LRRC34: variants seen among roughly 807,000 people sequenced by gnomAD.
LRRC34 encodes leucine rich repeat containing 34.
A neutral mutation model predicts 48.5 loss-of-function variants in LRRC34; 44 were observed. The observed-to-expected ratio is 0.91, with a 90% CI of 0.71 to 1.17. The LOEUF is 1.17. Among genes scored for constraint, LRRC34 ranks in the 50% most tolerant of loss-of-function variants. The pLI, the probability that LRRC34 is intolerant of heterozygous loss-of-function variation, is 0.00. For missense variants in LRRC34, 502 were observed against 563.0 expected, an observed-to-expected ratio of 0.89 and a Z score of 1.10; for synonymous variants, 192 against 197.6, an observed-to-expected ratio of 0.97 and a Z score of 0.24.
At chr3:169,811,981 G>C (rs964440773) in intron 1 of LRRC34, among the ~76,000 whole-genome samples, 2 of 152,112 alleles carry the variant, frequency 1.3e-5, no homozygotes, top group Non-Finnish European at 2.9e-5. Context: ...TATTTAAAAC[G>C]GAGATAGTAC....
intron 1 of LRRC34, among the ~76,000 whole-genome samples, chr3:169,810,941 G>A (rs1335731022): frequency 6.6e-6 from 1 of 152,234 alleles, no homozygotes; most frequent in African/African-American, 2.4e-5. Context: ...GCGCATGCCT[G>A]TAGTCCCAGC....
chr3:169,794,318 C>A (rs1414062300), intron 10 of LRRC34: 1 of 153,648 alleles, frequency 6.5e-6, no homozygotes, highest in Admixed American at 6.5e-5. Flanking sequence ...GAGTTCATGA[C>A]CCCCCTGAAT....
rs1779652929 is a variant in LRRC34 at position 169,812,835 on chromosome 3, C to T, written c.-287G>A. 4.8e-6 allele frequency: 2 copies of T among 416,836 alleles called. No homozygotes were observed. The highest frequency in any genetic ancestry group is 8.5e-6 in the Non-Finnish European group (2 of 234,944). The allele number at this position is 416,836 out of a possible 1,614,324, so 25.8% of individuals were successfully genotyped here. Reference sequence around the variant, plus strand: ...ACAAAGAAGATTATGACAAAGCCCGCTCCTACAAAGTGTGCACCGGCCTGC... The same window carrying T: ...ACAAAGAAGATTATGACAAAGCCCGTTCCTACAAAGTGTGCACCGGCCTGC... On this transcript the variant is annotated 5_prime_UTR_variant, in exon 1 of 11. Coordinates refer to ENST00000446859, the MANE Select transcript of LRRC34 (RefSeq NM_001172779.2). The surrounding 1 kb of genome is among the most constrained non-coding windows in gnomAD (Gnocchi z 4.3).
At chr3:169,801,562 C>G (rs1308086434) in intron 6 of LRRC34, among the ~76,000 whole-genome samples, 2 of 152,114 alleles carry the variant, frequency 1.3e-5, no homozygotes, top group African/African-American at 2.4e-5. Flanking sequence ...TTGCTTTTTC[C>G]ATGATTTTCA....
At chr3:169,795,811 G>A in intron 9 of LRRC34, 200 bp from the exon 10 acceptor site, 1 of 1,248,766 alleles carries the variant, frequency 8.0e-7, no homozygotes, top group Non-Finnish European at 1.0e-6. Context: ...ACTACATTTT[G>A]AAAGTCTTCT....
intron 6 of LRRC34, 35 bp downstream of exon 6, chr3:169,804,018 T>C (rs1405852442): frequency 6.6e-7 from 1 of 1,526,054 alleles, no homozygotes. Flanking sequence ...AATGACCCAC[T>C]ATCTGGATGA....
chr3:169,812,083 C>T lies in LRRC34; in HGVS notation c.139+327G>A, dbSNP rs992936238. On this transcript the variant is annotated intron_variant, in intron 1 of 10. Transcript: ENST00000446859. The surrounding 1 kb of genome is among the most constrained non-coding windows in gnomAD (Gnocchi z 4.3). Reference sequence around the variant, plus strand: ...TCACAAAAAGGGGGCTGAGAAGAGCCCCCCCGCCACCCCCTCCCGGAGACC... The same window carrying T: ...TCACAAAAAGGGGGCTGAGAAGAGCTCCCCCGCCACCCCCTCCCGGAGACC... 2.0e-5 allele frequency among the ~76,000 whole-genome samples: 3 copies of T among 152,032 alleles called. No homozygotes were observed. The highest frequency in any genetic ancestry group is 1.3e-4 in the Admixed American group (2 of 15,260).
rs562640444 is a variant in LRRC34, at chr3:169,807,783, T to A, written c.258-74A>T. The A allele has an allele frequency of 1.9e-5, 27 of 1,422,204 alleles. No homozygotes were observed. The African/African-American group carries it at 3.6e-4, about 19-fold the overall frequency. The allele number at this position is 1,422,204 out of a possible 1,614,324, so 88.1% of individuals were successfully genotyped here. A position where few individuals can be genotyped will look rare whatever the true frequency, so the allele number is the denominator to read the frequency against. On this transcript the variant is annotated intron_variant, in intron 2 of 10. Coordinates refer to ENST00000446859, the MANE Select transcript of LRRC34 (RefSeq NM_001172779.2). Reference sequence around the variant, plus strand: ...AACCCAGTAAAGAAGTAAAAGTATGTTTCCTTCATGTATAAATAGTCATAT... The same window carrying A: ...AACCCAGTAAAGAAGTAAAAGTATGATTCCTTCATGTATAAATAGTCATAT...
rs770495376 is a variant in LRRC34, at chr3:169,796,849, A to C, written c.804T>G (p.Leu268=). The change falls in exon 8 of 11, where the codon CTT becomes CTG. Residue 268 remains leucine (L), a synonymous_variant. Coordinates refer to ENST00000446859, the MANE Select transcript of LRRC34 (RefSeq NM_001172779.2). ...CATGCTTACACATGTGTAGTGCAAC[A>C]AGACAGTGATTTTCTTTCAACATGC... ...VGRMLKENHC[L]VALHMCKHDI... The C allele has an allele frequency of 1.2e-6, 2 of 1,608,306 alleles. No individual in the cohort carries two copies. Among genetic ancestry groups the C allele is most frequent in the African/African-American group, 2.7e-5 (2 of 74,744 alleles).
At chr3:169,807,371 G>T in intron 4 of LRRC34, 55 bp downstream of exon 4, 1 of 1,486,016 alleles carries the variant, frequency 6.7e-7, no homozygotes, top group South Asian at 1.1e-5. Context: ...TGTGTCATTA[G>T]ACTAATTGGT....
rs146621484 is a variant in LRRC34, at chr3:169,793,701, A to C, written c.1329T>G (p.Tyr443Ter). The C allele has an allele frequency of 1.2e-6, 2 of 1,613,902 alleles. No homozygotes were observed. The highest frequency in any genetic ancestry group is 1.7e-6 in the Non-Finnish European group (2 of 1,179,872). Residue 443 changes from tyrosine to a stop codon, truncating the protein, a stop_gained, in exon 11 of 11, where the codon TAT (tyrosine) becomes TAG (stop). Transcript: ENST00000446859. LOFTEE classifies it low-confidence loss of function (END_TRUNC). The part of the protein sequence containing the change: ...LKKHYYWTST[Y>*]GESYDHSSNA... The stretch of plus-strand genomic sequence containing the variant: ...TAGATGAGTGGTCATAAGATTCTCC[A>C]TAAGTTGATGTCCAATAATAATGCT...
At chr3:169,798,076 A>G (rs1231870723) in intron 7 of LRRC34, among the ~76,000 whole-genome samples, 1 of 152,238 alleles carries the variant, frequency 6.6e-6, no homozygotes, top group African/African-American at 2.4e-5. Context: ...ATGCACGCCA[A>G]CCATGCTAAA....
intron 5 of LRRC34, among the ~76,000 whole-genome samples, chr3:169,804,699 C>A (rs980569801): frequency 2.0e-5 from 3 of 152,158 alleles, no homozygotes; most frequent in African/African-American, 7.2e-5. Context: ...GATGCCCAAG[C>A]AATAACCAGT....
chr3:169,804,075 A>G lies in LRRC34; in HGVS notation c.635T>C (p.Leu212Ser), dbSNP rs1473459414. ...MLQINSSLEK[L>S]DLGDCDLGMQ... Reference sequence around the variant, plus strand: ...CACCAGATCACAGTCACCCAGATCTAATTTCTCTAATGATGAATTAATTTG... The same window carrying G: ...CACCAGATCACAGTCACCCAGATCTGATTTCTCTAATGATGAATTAATTTG... Residue 212 changes from leucine to serine, a missense_variant, in exon 6 of 11, where the codon TTA becomes TCA. Leu to Ser is a moderately radical substitution (Grantham distance 145). Coordinates refer to ENST00000446859, the MANE Select transcript of LRRC34 (RefSeq NM_001172779.2). 6.3e-7 allele frequency: 1 copy of G among 1,591,592 alleles called. No homozygotes were observed. Among genetic ancestry groups the G allele is most frequent in the Non-Finnish European group, 8.6e-7 (1 of 1,168,806 alleles).
intron 9 of LRRC34, chr3:169,795,881 C>T: frequency 8.6e-7 from 1 of 1,159,182 alleles, no homozygotes; most frequent in Non-Finnish European, 1.1e-6. Flanking sequence ...TGGATAAATG[C>T]ATCCAAGTAT....
intron 5 of LRRC34, among the ~76,000 whole-genome samples, chr3:169,805,557 G>C (rs957376865): frequency 3.9e-5 from 6 of 152,120 alleles, no homozygotes; most frequent in African/African-American, 1.4e-4. Context: ...TACTCCCCAA[G>C]GTGATCTACA....
rs1250983009 is a variant in LRRC34 at position 169,806,876 on chromosome 3, C to G, written c.500G>C (p.Gly167Ala). The G allele has an allele frequency of 6.2e-7, 1 of 1,607,246 alleles. No homozygotes were observed. Among genetic ancestry groups the G allele is most frequent in the African/African-American group, 1.3e-5 (1 of 74,752 alleles). ...TAGCACTTTAGCAATCAATTCTCCACCTTCGGGCCCAATATCATTAAACAT... is the reference window on the plus strand; with the variant it reads ...TAGCACTTTAGCAATCAATTCTCCAGCTTCGGGCCCAATATCATTAAACAT... ...NLMFNDIGPE[G>A]GELIAKVLHK... Residue 167 changes from glycine (G) to alanine (A), a missense_variant, in exon 5 of 11, where the codon GGT (glycine) becomes GCT (alanine). Transcript: ENST00000446859.
At chr3:169,805,435 A>T (rs1192215153) in intron 5 of LRRC34, among the ~76,000 whole-genome samples, 2 of 152,240 alleles carry the variant, frequency 1.3e-5, no homozygotes, top group Non-Finnish European at 2.9e-5. Flanking sequence ...AATTTAACAA[A>T]AGAAATGTAA....
intron 7 of LRRC34, among the ~76,000 whole-genome samples, chr3:169,799,851 T>C (rs775113569): frequency 1.2e-4 from 19 of 152,082 alleles, no homozygotes; most frequent in Non-Finnish European, 2.5e-4. Flanking sequence ...TAGCTGGGAT[T>C]ACAGGCACCT....
Sources: allele counts gnomAD v4.1 joint callset (sites outside exome capture counted in the v4.1 genomes callset), GRCh38; gene constraint gnomAD v4.1.1; non-coding constraint Gnocchi (gnomAD v3.1); transcripts MANE v1.5; gene names NCBI Gene and HGNC (gene_info 2026-07-23, HGNC 2026-07-21).